Variants in PTCHD4 observed in about 807,000 individuals in gnomAD.
The protein encoded by PTCHD4 is patched domain-containing protein 4.
Under a neutral mutation model 58.1 loss-of-function variants are expected in PTCHD4, and 33 were observed. That is an observed-to-expected ratio of 0.57 (90% CI 0.43 to 0.76). The LOEUF (loss-of-function observed/expected upper bound fraction) is 0.76. Among genes scored for constraint, PTCHD4 ranks in the 30% least tolerant of loss-of-function variants. The probability of loss-of-function intolerance (pLI) is 0.00; values close to 1 mark genes in which losing one functional copy is unlikely to be tolerated. For synonymous variants in PTCHD4, 478 were observed against 409.6 expected (o/e 1.17, Z -2.02); for missense variants, 1,058 against 1,027.1 (o/e 1.03, Z -0.41).
chr6:48,007,277 A>G (rs920878924), intron 4 of PTCHD4, among the ~76,000 whole-genome samples: 1 of 152,176 alleles, frequency 6.6e-6, no homozygotes, highest in Non-Finnish European at 1.5e-5. Context: ...ATGAACTAAC[A>G]ACTTAACATG....
rs749761182 is a variant in PTCHD4 at position 47,878,868 on chromosome 6, A to T, written c.1967T>A (p.Val656Glu). The T allele has an allele frequency of 1.2e-6, 2 of 1,613,626 alleles. No individual in the cohort carries two copies. The highest frequency in any genetic ancestry group is 4.5e-5 in the East Asian group (2 of 44,874). The change falls in exon 5 of 5, where the codon GTG becomes GAG. Residue 656 changes from valine (V) to glutamate (E), a missense_variant. Coordinates refer to ENST00000339488, the MANE Select transcript of PTCHD4 (RefSeq NM_001384253.1). ...ACCAAAGCCTGCAATCAGAACAGGC[A>T]CTGTGACAGACAAGCTGTAATGGTC... ...FMDHYSLSVT[V>E]PVLIAGFGVL...
intron 4 of PTCHD4, among the ~76,000 whole-genome samples, chr6:47,937,802 T>A (rs991158950): frequency 5.3e-5 from 8 of 152,118 alleles, no homozygotes; most frequent in African/African-American, 1.9e-4. Context: ...CAATGGAGAC[T>A]TGGAAGAAGC....
chr6:48,002,937 G>C (rs1768793151), intron 4 of PTCHD4, among the ~76,000 whole-genome samples: 1 of 151,982 alleles, frequency 6.6e-6, no homozygotes, highest in South Asian at 2.1e-4. Context: ...GTTCTTAACG[G>C]ACACAGTTTC....
At chr6:47,974,076 A>G (rs1581958203) in intron 4 of PTCHD4, among the ~76,000 whole-genome samples, 1 of 152,232 alleles carries the variant, frequency 6.6e-6, no homozygotes, top group African/African-American at 2.4e-5. Flanking sequence ...AGCTGACTGC[A>G]CATGAAGAGA....
At chr6:48,085,677 A>G (rs761802570) in intron 1 of PTCHD4, among the ~76,000 whole-genome samples, 1 of 152,270 alleles carries the variant, frequency 6.6e-6, no homozygotes, top group Non-Finnish European at 1.5e-5. Flanking sequence ...CTACAACATC[A>G]GCAAAAGGAT....
chr6:47,996,867 C>A (rs535282357), intron 4 of PTCHD4, among the ~76,000 whole-genome samples: 22 of 152,268 alleles, frequency 1.4e-4, no homozygotes, highest in Middle Eastern at 3.4e-3. Context: ...TAAAAGAACA[C>A]ATAATTTTAC....
chr6:48,093,803 G>A (rs1230120528), intron 1 of PTCHD4, among the ~76,000 whole-genome samples: 1 of 152,096 alleles, frequency 6.6e-6, no homozygotes, highest in Non-Finnish European at 1.5e-5. Flanking sequence ...CCATGAATAG[G>A]GATGATGGGA....
At chr6:48,004,792 C>T (rs1250848078) in intron 4 of PTCHD4, among the ~76,000 whole-genome samples, 8 of 152,128 alleles carry the variant, frequency 5.3e-5, no homozygotes, top group East Asian at 1.9e-4. Flanking sequence ...TGGCACACGC[C>T]TATAGTCCCA....
rs376297531 is a variant in PTCHD4, at chr6:47,864,921, TCTTTATG to T, written c.*13375_*13381del. Among the ~76,000 whole-genome samples, 101,339 of 151,746 alleles carry T rather than the reference TCTTTATG, an allele frequency of 0.67. 34,343 individuals are homozygous for T. Among genetic ancestry groups the T allele is most frequent in the East Asian group, 0.78 (4,002 of 5,118 alleles). On this transcript the variant is annotated 3_prime_UTR_variant, in exon 5 of 5. Coordinates refer to ENST00000339488, the MANE Select transcript of PTCHD4 (RefSeq NM_001384253.1). ...GCTGACATAACATTGCAATACTACA[TCTTTATG>T]GTAGAATAAAAGCATGTGCCTTATA...
At chr6:48,100,091 A>C (rs539979680) in intron 1 of PTCHD4, among the ~76,000 whole-genome samples, 5 of 152,296 alleles carry the variant, frequency 3.3e-5, no homozygotes, top group African/African-American at 1.2e-4. Context: ...AATTGAAAAC[A>C]ATATGAACCT....
At chr6:48,030,777 A>G (rs2114131557) in intron 3 of PTCHD4, among the ~76,000 whole-genome samples, 1 of 152,272 alleles carries the variant, frequency 6.6e-6, no homozygotes, top group South Asian at 2.1e-4. Flanking sequence ...CCAAACATCT[A>G]GAAATCTTCT....
Position 47,929,873 on chromosome 6 carries a change from C to T in PTCHD4, c.899-49937G>A, listed in dbSNP as rs372005587. Among the ~76,000 whole-genome samples, 9 of 152,206 alleles carry T rather than the reference C, an allele frequency of 5.9e-5. No individual in the cohort carries two copies. The East Asian group carries it at 9.6e-4, about 16-fold the overall frequency. ...ATTTCACCCTGGTGGGAGCATTCTA[C>T]GCCCCTCACAGATTGGTGAATCGGA... On this transcript the variant is annotated intron_variant, in intron 4 of 4. Coordinates refer to ENST00000339488, the MANE Select transcript of PTCHD4 (RefSeq NM_001384253.1).
intron 4 of PTCHD4, among the ~76,000 whole-genome samples, chr6:47,961,788 T>C (rs543042642): frequency 3.9e-5 from 6 of 152,306 alleles, no homozygotes; most frequent in African/African-American, 1.4e-4. Flanking sequence ...AGAAATTTAC[T>C]GCACTAAACA....
chr6:48,070,181 G>A (rs919535941), intron 1 of PTCHD4, among the ~76,000 whole-genome samples: 1 of 151,374 alleles, frequency 6.6e-6, no homozygotes, highest in African/African-American at 2.4e-5. Context: ...ATTTTTTAGG[G>A]CAAACTCTAA....
intron 4 of PTCHD4, among the ~76,000 whole-genome samples, chr6:47,991,248 G>A (rs574750901): frequency 3.9e-5 from 6 of 152,124 alleles, no homozygotes; most frequent in East Asian, 3.9e-4. Context: ...ATATCACAGC[G>A]AAACTGCAGA....
intron 4 of PTCHD4, among the ~76,000 whole-genome samples, chr6:47,959,208 T>G (rs1766985904): frequency 6.6e-6 from 1 of 152,142 alleles, no homozygotes; most frequent in African/African-American, 2.4e-5. Flanking sequence ...TTTTGTATGC[T>G]CAAGAAGTTA....
rs113839611 is a variant in PTCHD4, at chr6:47,863,827, T to C, written c.*14476A>G. Among the ~76,000 whole-genome samples the C allele has an allele frequency of 0.011, 1,689 of 152,082 alleles. 14 individuals are homozygous for C. The highest frequency in any genetic ancestry group is 0.017 in the Non-Finnish European group (1,160 of 67,912). On this transcript the variant is annotated 3_prime_UTR_variant, in exon 5 of 5. Coordinates refer to ENST00000339488, the MANE Select transcript of PTCHD4 (RefSeq NM_001384253.1). ...ACTGTCCAGAGCAACTTATTACAAA[T>C]AGAGATTACTAAGGCCATCCCTTCA... is the stretch of plus-strand genomic sequence containing the variant.
Position 48,036,597 on chromosome 6 carries a change from T to A in PTCHD4, c.418-27483A>T, listed in dbSNP as rs376020262. 1.2e-3 allele frequency among the ~76,000 whole-genome samples: 189 copies of A among 152,274 alleles called. 4 individuals carry two copies. In the South Asian group the frequency reaches 0.038, roughly 30 times the overall value. ...TAGCTGCCACAGTTATCAGAAATTC[T>A]GTTGTGGTACTGCAGTACTTGTGTT... On this transcript the variant is annotated intron_variant, in intron 3 of 4. Transcript: ENST00000339488.
intron 4 of PTCHD4, among the ~76,000 whole-genome samples, chr6:47,911,504 T>C (rs2113867938): frequency 6.6e-6 from 1 of 152,288 alleles, no homozygotes; most frequent in African/African-American, 2.4e-5. Context: ...GTGGATTCTT[T>C]TTCCATATAG....
Sources: allele counts gnomAD v4.1 joint callset (sites outside exome capture counted in the v4.1 genomes callset), GRCh38; gene constraint gnomAD v4.1.1; transcripts MANE v1.5; gene names NCBI Gene and HGNC (gene_info 2026-07-23, HGNC 2026-07-21).